The following PACSIN2 variants were observed in gnomAD, a reference collection of about 807,000 sequenced individuals.
PACSIN2 encodes the protein protein kinase C and casein kinase substrate in neurons 2.
In PACSIN2, 25 loss-of-function variants were observed where a neutral mutation model predicts 63.8. The observed-to-expected ratio is 0.39, with a 90% CI of 0.29 to 0.55. The LOEUF (loss-of-function observed/expected upper bound fraction) is 0.55. PACSIN2 is among the 20% of genes least tolerant of loss of function. The probability of loss-of-function intolerance (pLI) is 0.62; values close to 1 mark genes in which losing one functional copy is unlikely to be tolerated. For missense variants in PACSIN2, 518 were observed against 646.9 expected (o/e 0.80, Z 2.16); for synonymous variants, 255 against 256.2 (o/e 1.00, Z 0.05).
In PACSIN2 at chr22:43,009,938, C is replaced by T. The variant is rs538812239; in HGVS notation, c.-78+5083G>A. Among the ~76,000 whole-genome samples the T allele has an allele frequency of 8.2e-5, 12 of 145,746 alleles. No individual in the cohort carries two copies. The South Asian group carries it at 1.7e-3, about 21-fold the overall frequency. ...AGGCTGGAGTGCAGTGGCACAATCT[C>T]GGCTCACTGCAGCCTCTGCCTCCCG... On this transcript the variant is annotated intron_variant, in intron 1 of 10. Transcript: ENST00000263246.
rs1243094775 is a variant in PACSIN2 at position 43,013,681 on chromosome 22, C to T, written c.-78+1340G>A. Reference sequence around the variant, plus strand: ...ACAGAACTTCAGCACACGGGAATAACCGCAGAGGAAGGCACCGAAAAGGAG... The same window carrying T: ...ACAGAACTTCAGCACACGGGAATAATCGCAGAGGAAGGCACCGAAAAGGAG... On this transcript the variant is annotated intron_variant, in intron 1 of 10. Transcript: ENST00000263246. Among the ~76,000 whole-genome samples the T allele has an allele frequency of 2.0e-5, 3 of 152,204 alleles. No individual in the cohort carries two copies. In the East Asian group the frequency reaches 5.8e-4, roughly 29 times the overall value.
chr22:42,903,784 G>C (rs1211996019), intron 2 of PACSIN2, among the ~76,000 whole-genome samples: 8 of 152,188 alleles, frequency 5.3e-5, no homozygotes, highest in Admixed American at 4.6e-4. Context: ...ACTCGATTCT[G>C]ACCCAGCACT....
chr22:42,960,506 A>T (rs1934092505), intron 1 of PACSIN2, among the ~76,000 whole-genome samples: 1 of 152,260 alleles, frequency 6.6e-6, no homozygotes, highest in Non-Finnish European at 1.5e-5. Context: ...AACTGTGATT[A>T]CATGGAAATA....
chr22:43,010,603 G>A (rs1203844615), intron 1 of PACSIN2, among the ~76,000 whole-genome samples: 1 of 152,014 alleles, frequency 6.6e-6, no homozygotes, highest in Non-Finnish European at 1.5e-5. Context: ...CCAGCTACTT[G>A]GGAGGCTGAG....
At chr22:42,983,039 G>A (rs374696838) in intron 1 of PACSIN2, among the ~76,000 whole-genome samples, 3 of 151,774 alleles carry the variant, frequency 2.0e-5, no homozygotes, top group East Asian at 1.9e-4. Flanking sequence ...AAATTAGGCC[G>A]GGCACAGTGG....
At chr22:42,989,880 A>C (rs1922902611) in intron 1 of PACSIN2, among the ~76,000 whole-genome samples, 1 of 149,654 alleles carries the variant, frequency 6.7e-6, no homozygotes. Flanking sequence ...ATATATATAT[A>C]TATATACACA....
At chr22:42,918,183 C>T (rs185436493) in intron 1 of PACSIN2, among the ~76,000 whole-genome samples, 4 of 152,294 alleles carry the variant, frequency 2.6e-5, no homozygotes, top group Non-Finnish European at 5.9e-5. Context: ...TGCAGACAGG[C>T]CACACCCTAG....
Position 42,927,555 on chromosome 22 carries a change from T to TTTTATTTA in PACSIN2, c.-77-15406_-77-15399dup, listed in dbSNP as rs574629308. On this transcript the variant is annotated intron_variant, in intron 1 of 10. Transcript: ENST00000263246. ...TGAGCCACCACGCCTGGCCCCAGTC[T>TTTTATTTA]TTTATTTATTTATTTATTTAGTTAT... is the stretch of plus-strand genomic sequence containing the variant. Among the ~76,000 whole-genome samples the TTTTATTTA allele has an allele frequency of 9.8e-3, 1,442 of 147,682 alleles. 22 individuals are homozygous for TTTTATTTA. Among genetic ancestry groups the TTTTATTTA allele is most frequent in the African/African-American group, 0.034 (1,356 of 40,132 alleles).
At chr22:42,951,831 C>G (rs1302165567) in intron 1 of PACSIN2, among the ~76,000 whole-genome samples, 1 of 151,514 alleles carries the variant, frequency 6.6e-6, no homozygotes, top group Non-Finnish European at 1.5e-5. Flanking sequence ...GCCCCTGCTT[C>G]CAGCGCCAGT....
chr22:42,965,944 ATC>A (rs1255006423), intron 1 of PACSIN2, among the ~76,000 whole-genome samples: 49 of 28,408 alleles, frequency 1.7e-3, no homozygotes, highest in South Asian at 3.8e-3. Flanking sequence ...TAAATAAATA[ATC>A]ATAAATAAAT....
chr22:42,911,996 C>T lies in PACSIN2; in HGVS notation c.60+25G>A, dbSNP rs377262179. On this transcript the variant is annotated intron_variant, in intron 2 of 10. Transcript: ENST00000263246. ...ACACTATTGGCCTGGCCACTTCATT[C>T]ACTGGAAGAAAGCAGGTGCATTACC... The T allele has an allele frequency of 4.4e-6, 7 of 1,575,528 alleles. No individual in the cohort carries two copies. The Admixed American group carries it at 5.3e-5, about 12-fold the overall frequency.
intron 1 of PACSIN2, among the ~76,000 whole-genome samples, chr22:42,990,865 C>G (rs1922994302): frequency 6.6e-6 from 1 of 152,150 alleles, no homozygotes; most frequent in Non-Finnish European, 1.5e-5. Flanking sequence ...AATGCTAAAC[C>G]ATATCTGTCC....
intron 1 of PACSIN2, among the ~76,000 whole-genome samples, chr22:43,010,579 G>A (rs183693668): frequency 0.015 from 2,267 of 151,920 alleles, 66 homozygotes; most frequent in Admixed American, 0.082. Flanking sequence ...GTGTGGCGGC[G>A]GGCGCCTGTA....
intron 4 of PACSIN2, 73 bp downstream of exon 4, chr22:42,890,874 G>A (rs966174421): frequency 1.4e-5 from 17 of 1,215,494 alleles, no homozygotes; most frequent in Non-Finnish European, 1.9e-5. Flanking sequence ...AGTCCTAGGT[G>A]CAGGAGGTGG....
chr22:43,001,395 G>A (rs1321016048), intron 1 of PACSIN2, among the ~76,000 whole-genome samples: 1 of 152,210 alleles, frequency 6.6e-6, no homozygotes, highest in African/African-American at 2.4e-5. Flanking sequence ...GGCATCTGTA[G>A]AAACCAGAGC....
At chr22:43,004,754 T>C (rs2146923330) in intron 1 of PACSIN2, among the ~76,000 whole-genome samples, 1 of 152,360 alleles carries the variant, frequency 6.6e-6, no homozygotes, top group East Asian at 1.9e-4. Context: ...ACACAGTTGA[T>C]CCTATCTAAA....
chr22:42,919,288 C>T (rs1391497555), intron 1 of PACSIN2, among the ~76,000 whole-genome samples: 2 of 152,168 alleles, frequency 1.3e-5, no homozygotes, highest in African/African-American at 2.4e-5. Flanking sequence ...GGCAGTACAA[C>T]ATGGGCTCTC....
chr22:42,895,797 C>T (rs955538865), intron 2 of PACSIN2, among the ~76,000 whole-genome samples: 11 of 152,342 alleles, frequency 7.2e-5, no homozygotes, highest in East Asian at 5.8e-4. Context: ...ACAGAGCCAA[C>T]GGGAGAAGGG....
At chr22:42,924,772 T>G (rs977057789) in intron 1 of PACSIN2, among the ~76,000 whole-genome samples, 3 of 151,518 alleles carry the variant, frequency 2.0e-5, no homozygotes, top group African/African-American at 7.3e-5. Flanking sequence ...TTTTTTTTTT[T>G]TCGACACAGT....
Sources: gnomAD v4.1 joint callset for allele counts (sites outside exome capture counted in the v4.1 genomes callset) on GRCh38, gnomAD v4.1.1 for gene constraint, MANE v1.5 for transcripts, NCBI Gene and HGNC (gene_info 2026-07-23, HGNC 2026-07-21) for gene names.